Variants in TMEM268 observed in about 807,000 individuals in gnomAD.
The protein encoded by TMEM268 is transmembrane protein 268, also known as transmembrane protein C9orf91.
TMEM268 carries 24 observed loss-of-function variants against 39.1 expected under a neutral mutation model. The ratio of observed to expected loss-of-function variants is 0.61; its 90% confidence interval spans 0.44 to 0.86. TMEM268 has a LOEUF of 0.86. TMEM268 is among the 40% of genes least tolerant of loss of function. The probability of loss-of-function intolerance (pLI) is 0.00; values close to 1 mark genes in which losing one functional copy is unlikely to be tolerated. For synonymous variants in TMEM268, 176 were observed against 173.5 expected, an observed-to-expected ratio of 1.01 and a Z score of -0.12; for missense variants, 409 against 428.6, an observed-to-expected ratio of 0.95 and a Z score of 0.40.
At chr9:114,642,154 T>A (rs1001651158) in intron 8 of TMEM268, among the ~76,000 whole-genome samples, 1 of 152,060 alleles carries the variant, frequency 6.6e-6, no homozygotes, top group Non-Finnish European at 1.5e-5. Flanking sequence ...CTTCCCAAAT[T>A]GAAGCTCTGT....
At chr9:114,636,202 A>G (rs1338314028) in intron 6 of TMEM268, among the ~76,000 whole-genome samples, 1 of 152,168 alleles carries the variant, frequency 6.6e-6, no homozygotes, top group African/African-American at 2.4e-5. Context: ...GGTTAAATTT[A>G]GCTTGGCCGG....
rs57970569 is a variant in TMEM268, at chr9:114,630,279, T to TATCCATCCATCC, written c.474+2055_474+2066dup. Among the ~76,000 whole-genome samples the TATCCATCCATCC allele has an allele frequency of 4.4e-3, 653 of 148,208 alleles. 8 individuals carry two copies. The highest frequency in any genetic ancestry group is 0.016 in the African/African-American group (627 of 39,840). On this transcript the variant is annotated intron_variant, in intron 5 of 8. Coordinates refer to ENST00000288502, the MANE Select transcript of TMEM268 (RefSeq NM_153045.4). ...ATTTACTGTTCCAACAATATATATC[T>TATCCATCCATCC]ATCCATCCATCCATCCATCCATCCA...
At chr9:114,625,006 A>G (rs2133638188) in intron 3 of TMEM268, among the ~76,000 whole-genome samples, 1 of 152,336 alleles carries the variant, frequency 6.6e-6, no homozygotes, top group African/African-American at 2.4e-5. Context: ...AATTCATTAG[A>G]TAATGATGCA....
chr9:114,609,687 CAGAAAA>C (rs71300692), upstream of TMEM268, among the ~76,000 whole-genome samples: 18,026 of 100,506 alleles, frequency 0.18, 1,438 homozygotes, highest in South Asian at 0.24. Flanking sequence ...GACCCTGTCT[CAGAAAA>C]AGAAAAAGAA....
chr9:114,604,374 T>C, the TMEM268 span, among the ~76,000 whole-genome samples: 1 of 32,992 alleles, frequency 3.0e-5, no homozygotes, highest in African/African-American at 1.3e-4. Flanking sequence ...GGCCAGGAGT[T>C]CGAGACGAGC....
chr9:114,610,073 C>T (rs1304465676), upstream of TMEM268, among the ~76,000 whole-genome samples: 7 of 150,368 alleles, frequency 4.7e-5, no homozygotes, highest in Non-Finnish European at 7.4e-5. Context: ...GAGTTTTGCT[C>T]TTGTTGCCCA....
At chr9:114,640,622 C>T (rs550152796) in intron 8 of TMEM268, among the ~76,000 whole-genome samples, 18 of 152,350 alleles carry the variant, frequency 1.2e-4, no homozygotes, top group Admixed American at 1.2e-3. Flanking sequence ...GGCCAGTGTT[C>T]TTGCTACAGT....
At chr9:114,609,673 G>A (rs1415502612), upstream of TMEM268, among the ~76,000 whole-genome samples, 2 of 144,712 alleles carry the variant, frequency 1.4e-5, no homozygotes, top group East Asian at 4.1e-4. Context: ...CTGGGCAAGA[G>A]AGTGACCCTG....
intron 5 of TMEM268, among the ~76,000 whole-genome samples, chr9:114,628,635 G>A (rs1362541827): frequency 1.3e-5 from 2 of 152,150 alleles, no homozygotes; most frequent in South Asian, 2.1e-4. Context: ...TAAAGTTGAC[G>A]TCTGGGGAGA....
intron 6 of TMEM268, 143 bp from the exon 7 acceptor site, chr9:114,636,847 C>T (rs1197959904): frequency 1.7e-6 from 1 of 590,136 alleles, no homozygotes; most frequent in South Asian, 2.4e-5. Context: ...ATTTTTCTAC[C>T]AACCATACAA....
At chr9:114,621,596 G>A (rs1308056973) in intron 2 of TMEM268, among the ~76,000 whole-genome samples, 4 of 151,952 alleles carry the variant, frequency 2.6e-5, no homozygotes, top group African/African-American at 9.7e-5. Context: ...AGTTATGGTA[G>A]GTTTAGCAGA....
intron 2 of TMEM268, among the ~76,000 whole-genome samples, chr9:114,620,395 C>T (rs950244126): frequency 6.6e-6 from 1 of 151,998 alleles, no homozygotes. Flanking sequence ...CAGGCACGTG[C>T]CACCACGTCT....
rs1846750785 is a variant in TMEM268, at chr9:114,638,655, A to T, written c.778A>T (p.Asn260Tyr). 13 of 1,609,664 alleles carry T rather than the reference A, an allele frequency of 8.1e-6. No individual in the cohort carries two copies. Among genetic ancestry groups the T allele is most frequent in the Non-Finnish European group, 1.1e-5 (13 of 1,178,220 alleles). Residue 260 changes from asparagine (N) to tyrosine (Y), a missense_variant, in exon 8 of 9, where the codon AAT becomes TAT. Transcript: ENST00000288502. The stretch of plus-strand genomic sequence containing the variant: ...GGAGGATGCTCCTCTCCTGCCCGGC[A>T]ATTCTTGTCCTAACGAGAGGCCACT... The part of the protein sequence containing the change: ...NLEDAPLLPG[N>Y]SCPNERPLMQ...
chr9:114,617,723 G>A (rs1052504112), intron 2 of TMEM268, among the ~76,000 whole-genome samples: 9 of 151,874 alleles, frequency 5.9e-5, no homozygotes, highest in African/African-American at 1.9e-4. Context: ...GGCATCCACC[G>A]CTACATCCTG....
chr9:114,617,339 C>T, intron 2 of TMEM268, 38 bp downstream of exon 2: 5 of 1,500,100 alleles, frequency 3.3e-6, no homozygotes, highest in Non-Finnish European at 3.7e-6. Context: ...CTTCTTTCTA[C>T]CTCATGCTGA....
chr9:114,625,896 G>C (rs1048886745), intron 3 of TMEM268, among the ~76,000 whole-genome samples: 1 of 151,268 alleles, frequency 6.6e-6, no homozygotes, highest in Non-Finnish European at 1.5e-5. Context: ...GTGTGATCTC[G>C]GCTCACTGCA....
intron 2 of TMEM268, among the ~76,000 whole-genome samples, chr9:114,617,879 A>T (rs4979445): frequency 0.58 from 85,631 of 148,628 alleles, 25,455 homozygotes; most frequent in African/African-American, 0.75. Flanking sequence ...TTAATTTTTT[A>T]TTTTTTTTAT....
chr9:114,607,192 T>A (rs1845376597), upstream of TMEM268, among the ~76,000 whole-genome samples: 1 of 152,248 alleles, frequency 6.6e-6, no homozygotes, highest in African/African-American at 2.4e-5. Context: ...ATTTATTCAT[T>A]CACTACTTCA....
intron 1 of TMEM268, among the ~76,000 whole-genome samples, chr9:114,616,012 CT>C (rs1845691347): frequency 7.3e-6 from 1 of 137,750 alleles, no homozygotes; most frequent in African/African-American, 2.7e-5. Flanking sequence ...TTTCTTTTTT[CT>C]TTTCTTTTTT....
Sources: allele counts gnomAD v4.1 joint callset (sites outside exome capture counted in the v4.1 genomes callset), GRCh38; gene constraint gnomAD v4.1.1; transcripts MANE v1.5; gene names NCBI Gene and HGNC (gene_info 2026-07-23, HGNC 2026-07-21).